The following SLC22A6 variants were observed in gnomAD, a reference collection of about 807,000 sequenced individuals.
SLC22A6 encodes the protein PAH transporter.
SLC22A6 carries 45 observed loss-of-function variants against 56.7 expected under a neutral mutation model. The ratio of observed to expected loss-of-function variants is 0.79; its 90% CI spans 0.63 to 1.02. The LOEUF (loss-of-function observed/expected upper bound fraction) is 1.02, where lower values mean the gene tolerates loss of function less well. Ranked by LOEUF, SLC22A6 falls within the 50% of genes least tolerant of loss-of-function variation. SLC22A6 has a pLI of 0.00. For synonymous variants in SLC22A6, 291 were observed against 295.9 expected (o/e 0.98, Z 0.17); for missense variants, 606 against 713.8 (o/e 0.85, Z 1.72).
chr11:62,984,943 G>A lies in SLC22A6; in HGVS notation c.-253C>T. 1.9e-6 allele frequency: 1 copy of A among 513,378 alleles called. No homozygotes were observed. The highest frequency in any genetic ancestry group is 3.5e-5 in the East Asian group (1 of 28,750). The allele number at this position is 513,378 out of a possible 1,614,324, so 31.8% of individuals were successfully genotyped here. ...AGCTTCTCCTCACTTTGGGGGTCAG[G>A]GCAGCTCAGCTTTCAGGGTCTGCTG... is the stretch of plus-strand genomic sequence containing the variant. On this transcript the variant is annotated 5_prime_UTR_variant, in exon 1 of 10. Coordinates refer to ENST00000360421, the MANE Select transcript of SLC22A6 (RefSeq NM_153276.3).
chr11:62,980,513 T>TG (rs1028421667), intron 6 of SLC22A6, among the ~76,000 whole-genome samples: 3 of 152,216 alleles, frequency 2.0e-5, no homozygotes, highest in Non-Finnish European at 4.4e-5. Context: ...GCTATGGTGA[T>TG]GGGAAGGAAG....
At chr11:62,982,141 G>C in intron 3 of SLC22A6, 131 bp from the exon 4 acceptor site, 1 of 822,844 alleles carries the variant, frequency 1.2e-6, no homozygotes, top group Non-Finnish European at 1.9e-6. Flanking sequence ...TGAGTGCCAG[G>C]GTGATGGGAG....
chr11:62,981,397 TG>T lies in SLC22A6; in HGVS notation c.798-15del. 5.7e-5 allele frequency: 22 copies of T among 389,144 alleles called. No homozygotes were observed. Among genetic ancestry groups the T allele is most frequent in the Non-Finnish European group, 7.4e-5 (20 of 270,352 alleles). The allele number at this position is 389,144 out of a possible 1,614,324, so 24.1% of individuals were successfully genotyped here. A position where few individuals can be genotyped will look rare whatever the true frequency, so the allele number is the denominator to read the frequency against. On this transcript the variant is annotated splice_polypyrimidine_tract_variant and intron_variant, in intron 4 of 9. Transcript: ENST00000360421. ...TCAATGAAGAACCTGGGAGCGGGGG[TG>T]GGGGTGGGTGTCAGCATGGCTTCAG...
At chr11:62,976,926 G>A in intron 9 of SLC22A6, 45 bp from the exon 10 acceptor site, 1 of 1,603,694 alleles carries the variant, frequency 6.2e-7, no homozygotes. Flanking sequence ...GCAGCCTCCA[G>A]GCCAGGGCCG....
rs1313298308 is a variant in SLC22A6, at chr11:62,979,951, A to G, written c.1038-3T>C. ...AGTATGCAAAGCTAGTGGCAAACCTAGCAGAGAGAAGAGAGGAGTATGGAG... is the reference window on the plus strand; with the variant it reads ...AGTATGCAAAGCTAGTGGCAAACCTGGCAGAGAGAAGAGAGGAGTATGGAG... On this transcript the variant is annotated splice_region_variant and splice_polypyrimidine_tract_variant and intron_variant, in intron 6 of 9. Transcript: ENST00000360421. The G allele has an allele frequency of 4.3e-6, 7 of 1,610,286 alleles. No homozygotes were observed. Among genetic ancestry groups the G allele is most frequent in the Non-Finnish European group, 5.1e-6 (6 of 1,176,484 alleles).
At position 62,984,061 on chromosome 11, in the gene SLC22A6, A is replaced by C. The variant is rs757403256; in HGVS notation, c.370-14T>G. 1.3e-6 allele frequency: 2 copies of C among 1,571,610 alleles called. No individual in the cohort carries two copies. The highest frequency in any genetic ancestry group is 1.7e-6 in the Non-Finnish European group (2 of 1,144,222). ...CACAAGGTCCCACTGTGGGGAGAGG[A>C]GCAAGGGTCAGGCAGAGATGAGCCT... On this transcript the variant is annotated splice_polypyrimidine_tract_variant and intron_variant, in intron 1 of 9. Transcript: ENST00000360421.
intron 1 of SLC22A6, 108 bp from the exon 2 acceptor site, chr11:62,984,155 C>T: frequency 8.4e-7 from 1 of 1,190,560 alleles, no homozygotes; most frequent in African/African-American, 1.5e-5. Context: ...CTTCCTCCGG[C>T]ACTTTGCCCT....
Position 62,977,869 on chromosome 11 carries a change from T to C in SLC22A6, c.1362-482A>G, listed in dbSNP as rs148775465. The stretch of plus-strand genomic sequence containing the variant: ...ACAAGCCAACATACACCTATTGGAT[T>C]AGAATCCCTAGGGGGAGGGAGCTGG... On this transcript the variant is annotated intron_variant, in intron 8 of 9. Transcript: ENST00000360421. Among the ~76,000 whole-genome samples the C allele has an allele frequency of 2.4e-4, 37 of 152,330 alleles. No individual in the cohort carries two copies. The East Asian group carries it at 6.7e-3, about 28-fold the overall frequency.
chr11:62,984,661 C>A lies in SLC22A6; in HGVS notation c.30G>T (p.Val10=), dbSNP rs148086982. The A allele has an allele frequency of 6.2e-7, 1 of 1,613,640 alleles. No homozygotes were observed. Among genetic ancestry groups the A allele is most frequent in the Non-Finnish European group, 8.5e-7 (1 of 1,179,946 alleles). The change falls in exon 1 of 10, where the codon GTG becomes GTT. Residue 10 remains valine (V), a synonymous_variant. Transcript: ENST00000360421. MAFNDLLQQ[V]GGVGRFQQIQ... ...TCTGCTGGAAGCGGCCGACACCCCCCACCTGCTGCAGGAGGTCATTAAAGG... is the reference window on the plus strand; with the variant it reads ...TCTGCTGGAAGCGGCCGACACCCCCAACCTGCTGCAGGAGGTCATTAAAGG...
In SLC22A6 at chr11:62,981,971, C is replaced by T. The variant is rs1185129676; in HGVS notation, c.668G>A (p.Gly223Asp). The T allele has an allele frequency of 6.2e-7, 1 of 1,613,962 alleles. No individual in the cohort carries two copies. ...GCTGTAGACATAGCCAATCAAGGTGCCCACGCAGGCCCGTGTGTGAATGGG... is the reference window on the plus strand; with the variant it reads ...GCTGTAGACATAGCCAATCAAGGTGTCCACGCAGGCCCGTGTGTGAATGGG... ...WMPIHTRACV[G>D]TLIGYVYSLG... is the part of the protein sequence containing the mutation. The change falls in exon 4 of 10, where the codon GGC (glycine) becomes GAC (aspartate). Residue 223 changes from glycine (G) to aspartate (D), a missense_variant. By Grantham distance (94) the Gly-to-Asp change is moderately conservative. Transcript: ENST00000360421.
intron 8 of SLC22A6, among the ~76,000 whole-genome samples, chr11:62,978,158 C>T (rs577312509): frequency 1.2e-4 from 18 of 152,166 alleles, no homozygotes; most frequent in Admixed American, 3.3e-4. Context: ...GTGAGTGCTT[C>T]GGATTATTGC....
Position 62,981,282 on chromosome 11 carries a change from T to C in SLC22A6, c.899A>G (p.Glu300Gly), listed in dbSNP as rs199801650. 8.7e-6 allele frequency: 14 copies of C among 1,609,074 alleles called. No individual in the cohort carries two copies. Among genetic ancestry groups the C allele is most frequent in the East Asian group, 6.7e-5 (3 of 44,736 alleles). The change falls in exon 5 of 10, where the codon GAA becomes GGA. Residue 300 changes from glutamate (E) to glycine (G), a missense_variant. By Grantham distance (98) the Glu-to-Gly change is moderately conservative. Transcript: ENST00000360421. ...RVARINGKRE[E>G]GAKLSMEVLR... ...CACCTCCATACTCAATTTGGCTCCT[T>C]CTTCCCGCTTCCCATTGATCCGGGC... is the stretch of plus-strand genomic sequence containing the variant.
chr11:62,982,790 C>G (rs574023526), intron 3 of SLC22A6, among the ~76,000 whole-genome samples: 2 of 152,216 alleles, frequency 1.3e-5, no homozygotes, highest in African/African-American at 4.8e-5. Flanking sequence ...CTTGTCTGCA[C>G]GATGCTGCCT....
chr11:62,979,753 G>A lies in SLC22A6; in HGVS notation c.1233C>T (p.Leu411=), dbSNP rs11568619. 305 of 1,614,176 alleles carry A rather than the reference G, an allele frequency of 1.9e-4. 5 individuals carry two copies. In the South Asian group the frequency reaches 3.0e-3, roughly 16 times the overall value. Residue 411 remains leucine, a synonymous_variant, in exon 7 of 10, where the codon CTC becomes CTT. Coordinates refer to ENST00000360421, the MANE Select transcript of SLC22A6 (RefSeq NM_153276.3). ...GCTCACCCTGGGGTATCACCCCATT[G>A]AGCAGGATGCAGATGCCTGCCAGCA... ...ALLLAGICIL[L]NGVIPQDQSI...
At chr11:62,977,130 C>A in intron 9 of SLC22A6, 54 bp downstream of exon 9, 3 of 1,613,670 alleles carry the variant, frequency 1.9e-6, no homozygotes, top group Non-Finnish European at 2.5e-6. Context: ...TACCACCCCA[C>A]CCTGCATGTG....
At chr11:62,982,353 G>A (rs2086265776) in intron 3 of SLC22A6, among the ~76,000 whole-genome samples, 1 of 152,134 alleles carries the variant, frequency 6.6e-6, no homozygotes, top group African/African-American at 2.4e-5. Context: ...CCTCAGCTAT[G>A]GGCTGGATTC....
At position 62,984,792 on chromosome 11, in the gene SLC22A6, C is replaced by A; in HGVS notation, c.-102G>T. 1 of 1,333,120 alleles carries A rather than the reference C, an allele frequency of 7.5e-7. No homozygotes were observed. The highest frequency in any genetic ancestry group is 1.0e-6 in the Non-Finnish European group (1 of 993,166). The allele number at this position is 1,333,120 out of a possible 1,614,324, so 82.6% of individuals were successfully genotyped here. On this transcript the variant is annotated 5_prime_UTR_variant, in exon 1 of 10. Coordinates refer to ENST00000360421, the MANE Select transcript of SLC22A6 (RefSeq NM_153276.3). ...TCCTTCGCTGGAGGAGCAGCACTGCCGTTGCCTCCGCAGCTGGGTTGCTCC... is the reference window on the plus strand; with the variant it reads ...TCCTTCGCTGGAGGAGCAGCACTGCAGTTGCCTCCGCAGCTGGGTTGCTCC...
In SLC22A6 at chr11:62,979,527, A is replaced by G. The variant is rs1389317078; in HGVS notation, c.1322T>C (p.Ile441Thr). 3.1e-6 allele frequency: 5 copies of G among 1,613,986 alleles called. No individual in the cohort carries two copies. The South Asian group carries it at 4.4e-5, about 14-fold the overall frequency. ...KGCLAASFNC[I>T]FLYTGELYPT... ...ATACAGTTCCCCAGTATACAGGAAG[A>G]TGCAGTTGAAGGAGGCAGCCAGACA... Residue 441 changes from isoleucine (I) to threonine (T), a missense_variant, in exon 8 of 10, where the codon ATC (isoleucine) becomes ACC (threonine). Transcript: ENST00000360421.
In SLC22A6 at chr11:62,981,401, G is replaced by A. The variant is rs750966390; in HGVS notation, c.798-18C>T. ...TGAAGAACCTGGGAGCGGGGGTGGG[G>A]GTGGGTGTCAGCATGGCTTCAGTTC... On this transcript the variant is annotated intron_variant, in intron 4 of 9. Coordinates refer to ENST00000360421, the MANE Select transcript of SLC22A6 (RefSeq NM_153276.3). 4 of 1,462,150 alleles carry A rather than the reference G, an allele frequency of 2.7e-6. No homozygotes were observed. Among genetic ancestry groups the A allele is most frequent in the Non-Finnish European group, 3.7e-6 (4 of 1,077,980 alleles). The allele number at this position is 1,462,150 out of a possible 1,614,324, so 90.6% of individuals were successfully genotyped here. A position where few individuals can be genotyped will look rare whatever the true frequency, so the allele number is the denominator to read the frequency against.
Sources: allele counts gnomAD v4.1 joint callset (sites outside exome capture counted in the v4.1 genomes callset), GRCh38; gene constraint gnomAD v4.1.1; transcripts MANE v1.5; gene names NCBI Gene and HGNC (gene_info 2026-07-23, HGNC 2026-07-21).